Variants in NPHP4 observed in about 807,000 individuals in gnomAD.
NPHP4 encodes nephrocystin 4, also known as nephrocystin-4.
Under a neutral mutation model 155.8 loss-of-function variants are expected in NPHP4, and 151 were observed. The ratio of observed to expected loss-of-function variants is 0.97; its 90% CI spans 0.85 to 1.11. The LOEUF is 1.11. NPHP4 is among the 50% of genes least tolerant of loss of function. The pLI, the probability that NPHP4 is intolerant of heterozygous loss-of-function variation, is 0.00. For synonymous variants in NPHP4, 845 were observed against 816.8 expected (o/e 1.03, Z -0.59); for missense variants, 1,956 against 1,925.7 (o/e 1.02, Z -0.29).
chr1:5,898,533 G>A (rs1003402274), intron 16 of NPHP4, among the ~76,000 whole-genome samples: 3 of 152,234 alleles, frequency 2.0e-5, no homozygotes, highest in African/African-American at 4.8e-5. Context: ...CGGCTCTGCC[G>A]GGCAGACAGC....
intron 19 of NPHP4, among the ~76,000 whole-genome samples, chr1:5,879,018 A>G (rs1642909075): frequency 6.6e-6 from 1 of 152,224 alleles, no homozygotes; most frequent in Non-Finnish European, 1.5e-5. Context: ...GGCCCAGAAC[A>G]ACAGACTCTA....
intron 11 of NPHP4, among the ~76,000 whole-genome samples, chr1:5,909,968 G>A (rs939749487): frequency 6.6e-6 from 1 of 152,312 alleles, no homozygotes; most frequent in East Asian, 1.9e-4. Context: ...ACACCTCATG[G>A]CCCAGCAGAC....
chr1:5,937,673 C>T (rs1315915836), intron 9 of NPHP4, among the ~76,000 whole-genome samples: 3 of 152,100 alleles, frequency 2.0e-5, no homozygotes, highest in African/African-American at 4.8e-5. Flanking sequence ...GTCTCAAGGC[C>T]TTATCCAGAT....
chr1:5,989,288 C>A (rs1270643537), intron 1 of NPHP4, among the ~76,000 whole-genome samples: 1 of 152,192 alleles, frequency 6.6e-6, no homozygotes, highest in African/African-American at 2.4e-5. Flanking sequence ...TTTTAAGCAA[C>A]CAAGTCTGTG....
chr1:5,924,336 C>T (rs12745546), intron 11 of NPHP4, among the ~76,000 whole-genome samples: 8 of 151,852 alleles, frequency 5.3e-5, no homozygotes, highest in Non-Finnish European at 1.0e-4. Flanking sequence ...GAAATAATGA[C>T]CACAATTTTT....
At position 5,877,353 on chromosome 1, in the gene NPHP4, A is replaced by C. The variant is rs3747988; in HGVS notation, c.2612-55T>G. ...AGACGTGCAGTGTCTGCCTTCCAGG[A>C]GCAGACACCAGGGCAGGCCTCCCAG... On this transcript the variant is annotated intron_variant, in intron 19 of 29. Transcript: ENST00000378156. The C allele has an allele frequency of 0.41, 604,282 of 1,463,832 alleles. 127,935 individuals are homozygous for C. The highest frequency in any genetic ancestry group is 0.75 in the East Asian group (30,041 of 40,286). The allele number at this position is 1,463,832 out of a possible 1,614,324, so 90.7% of individuals were successfully genotyped here.
intron 7 of NPHP4, among the ~76,000 whole-genome samples, chr1:5,949,463 C>G (rs1043844110): frequency 1.3e-5 from 2 of 152,028 alleles, no homozygotes; most frequent in African/African-American, 4.8e-5. Flanking sequence ...AAACACCGTT[C>G]ATGCACATCA....
Position 5,904,673 on chromosome 1 carries a change from G to C in NPHP4, c.2087C>G (p.Ser696Cys). 6.2e-7 allele frequency: 1 copy of C among 1,613,992 alleles called. No individual in the cohort carries two copies. The highest frequency in any genetic ancestry group is 8.5e-7 in the Non-Finnish European group (1 of 1,179,870). ...VQLDEAGQPS[S>C]GALTHILVPV... Reference sequence around the variant, plus strand: ...CACGAGGATGTGGGTCAGGGCGCCAGAGCTGGGCTGGCCGGCCTCATCCAG... The same window carrying C: ...CACGAGGATGTGGGTCAGGGCGCCACAGCTGGGCTGGCCGGCCTCATCCAG... The change falls in exon 16 of 30, where the codon TCT becomes TGT. Residue 696 changes from serine (S) to cysteine (C), a missense_variant. Coordinates refer to ENST00000378156, the MANE Select transcript of NPHP4 (RefSeq NM_015102.5).
chr1:5,949,343 T>TATACACACACACACACAC (rs1553187010), intron 7 of NPHP4, among the ~76,000 whole-genome samples: 1 of 140,788 alleles, frequency 7.1e-6, no homozygotes, highest in African/African-American at 2.7e-5. Flanking sequence ...TTCACATACA[T>TATACACACACACACACAC]ACACACACAC....
chr1:5,934,669 C>A (rs545474853), intron 9 of NPHP4, among the ~76,000 whole-genome samples: 1 of 152,326 alleles, frequency 6.6e-6, no homozygotes, highest in Non-Finnish European at 1.5e-5. Context: ...AACACTGCTG[C>A]CTGAGGGCAT....
intron 9 of NPHP4, among the ~76,000 whole-genome samples, chr1:5,946,618 T>C (rs939754057): frequency 1.3e-5 from 2 of 152,220 alleles, no homozygotes; most frequent in Non-Finnish European, 2.9e-5. Context: ...ACCCCCGGAA[T>C]CTCCGAAGTG....
At chr1:5,985,495 G>C (rs1655340999) in intron 2 of NPHP4, among the ~76,000 whole-genome samples, 1 of 152,246 alleles carries the variant, frequency 6.6e-6, no homozygotes, top group Non-Finnish European at 1.5e-5. Flanking sequence ...CCGTAGCTCA[G>C]CCCCTGCAGT....
chr1:5,981,227 G>A (rs1016799654), intron 2 of NPHP4, among the ~76,000 whole-genome samples: 3 of 152,078 alleles, frequency 2.0e-5, no homozygotes, highest in African/African-American at 2.4e-5. Flanking sequence ...TCCCAGAACC[G>A]TCGCTGGCTT....
Position 5,890,592 on chromosome 1 carries a change from C to A in NPHP4, c.2304+276G>T, listed in dbSNP as rs1644071257. On this transcript the variant is annotated intron_variant, in intron 17 of 29. Transcript: ENST00000378156. The surrounding 1 kb of genome is among the most constrained non-coding windows in gnomAD (Gnocchi z 4.9). ...CATGGGAGGAGATGAAGTGACACTG[C>A]CTGGTAGGTCAGTTTGCAGGAGAAA... Among the ~76,000 whole-genome samples, 1 of 152,096 alleles carries A rather than the reference C, an allele frequency of 6.6e-6. No homozygotes were observed. The highest frequency in any genetic ancestry group is 2.4e-5 in the African/African-American group (1 of 41,394).
At chr1:5,973,313 G>A (rs904350989) in intron 3 of NPHP4, among the ~76,000 whole-genome samples, 3 of 152,264 alleles carry the variant, frequency 2.0e-5, no homozygotes, top group Non-Finnish European at 2.9e-5. Context: ...CGCCCATGGC[G>A]AAAGCCAGTT....
Position 5,956,059 on chromosome 1 carries a change from TGGG to T in NPHP4, c.674-3226_674-3224del, listed in dbSNP as rs35135056. On this transcript the variant is annotated intron_variant, in intron 6 of 29. Transcript: ENST00000378156. Reference sequence around the variant, plus strand: ...ATTTTAACAGAATGTTTCAAAAAGCTGGGGGGGGGGGGTGCAGGGAGGGATGAC... The same window carrying T: ...ATTTTAACAGAATGTTTCAAAAAGCTGGGGGGGGGTGCAGGGAGGGATGAC... 1.5e-4 allele frequency among the ~76,000 whole-genome samples: 16 copies of T among 105,520 alleles called. 1 individual carries two copies. Among genetic ancestry groups the T allele is most frequent in the African/African-American group, 3.5e-4 (9 of 25,506 alleles). The allele number at this position is 105,520 out of a possible 152,430, so 69.2% of individuals were successfully genotyped here.
chr1:5,899,832 G>GA (rs1340492683), intron 16 of NPHP4, among the ~76,000 whole-genome samples: 6 of 152,104 alleles, frequency 3.9e-5, no homozygotes, highest in Non-Finnish European at 7.4e-5. Context: ...CATAGATAGG[G>GA]AAAAAACATT....
chr1:5,977,584 A>G (rs987355284), intron 3 of NPHP4, among the ~76,000 whole-genome samples: 29 of 151,670 alleles, frequency 1.9e-4, no homozygotes, highest in African/African-American at 6.8e-4. Context: ...GAGCGCCATC[A>G]TCACCCTGAG....
At chr1:5,899,105 C>T (rs757175488) in intron 16 of NPHP4, among the ~76,000 whole-genome samples, 5 of 152,190 alleles carry the variant, frequency 3.3e-5, no homozygotes, top group Non-Finnish European at 7.3e-5. Flanking sequence ...TGGCGCAGCA[C>T]GAGGGAAACC....
Sources: allele counts gnomAD v4.1 joint callset (sites outside exome capture counted in the v4.1 genomes callset), GRCh38; gene constraint gnomAD v4.1.1; non-coding constraint Gnocchi (gnomAD v3.1); transcripts MANE v1.5; gene names NCBI Gene and HGNC (gene_info 2026-07-23, HGNC 2026-07-21).